Variants in TRIM9 observed in about 807,000 individuals in gnomAD.
TRIM9 encodes the protein tripartite motif containing 9, also known as E3 ubiquitin-protein ligase TRIM9.
A neutral mutation model predicts 78.3 loss-of-function variants in TRIM9; 26 were observed. The observed-to-expected ratio is 0.33, with a 90% confidence interval of 0.24 to 0.46. The LOEUF is 0.46. Ranked by LOEUF, TRIM9 falls within the 20% of genes least tolerant of loss-of-function variation. TRIM9 has a pLI of 1.00. For missense variants in TRIM9, 787 were observed against 1,036.4 expected, an observed-to-expected ratio of 0.76 and a Z score of 3.30; for synonymous variants, 398 against 416.5, an observed-to-expected ratio of 0.96 and a Z score of 0.54.
chr14:51,028,534 G>A (rs531241415), intron 1 of TRIM9, among the ~76,000 whole-genome samples: 1 of 152,334 alleles, frequency 6.6e-6, no homozygotes, highest in Non-Finnish European at 1.5e-5. Flanking sequence ...GGACCACAGA[G>A]CAGTGCTGGA....
chr14:51,027,358 G>C (rs1188166937), intron 1 of TRIM9, among the ~76,000 whole-genome samples: 1 of 151,956 alleles, frequency 6.6e-6, no homozygotes, highest in Non-Finnish European at 1.5e-5. Context: ...TGGCCAGGCT[G>C]GTCTCAAACT....
chr14:50,986,604 A>C (rs769031009), intron 7 of TRIM9, among the ~76,000 whole-genome samples: 1 of 152,164 alleles, frequency 6.6e-6, no homozygotes, highest in African/African-American at 2.4e-5. Flanking sequence ...TTCCTATTCC[A>C]TATTTTCCCA....
At chr14:51,053,618 C>CT (rs1372177441) in intron 1 of TRIM9, among the ~76,000 whole-genome samples, 1 of 50,314 alleles carries the variant, frequency 2.0e-5, no homozygotes, top group Non-Finnish European at 4.0e-5. Flanking sequence ...TTATTATACT[C>CT]TAAGTTTTAG....
intron 1 of TRIM9, among the ~76,000 whole-genome samples, chr14:51,035,112 C>A (rs555119823): frequency 2.1e-4 from 32 of 152,260 alleles, no homozygotes; most frequent in East Asian, 1.5e-3. Flanking sequence ...TAGAGACATG[C>A]ATTATCTCCA....
At chr14:51,011,074 G>A (rs2056513248) in intron 3 of TRIM9, among the ~76,000 whole-genome samples, 1 of 152,200 alleles carries the variant, frequency 6.6e-6, no homozygotes, top group Admixed American at 6.5e-5. Context: ...GAGAGGTAAT[G>A]AGCTAATGAA....
intron 1 of TRIM9, among the ~76,000 whole-genome samples, chr14:51,053,172 A>G (rs79440789): frequency 0.11 from 16,666 of 151,544 alleles, 1,199 homozygotes; most frequent in Middle Eastern, 0.19. Context: ...AAAAAAAAAA[A>G]AGAGAAGAAA....
chr14:51,019,152 CA>C (rs1338775487), intron 3 of TRIM9, among the ~76,000 whole-genome samples: 1 of 152,208 alleles, frequency 6.6e-6, no homozygotes, highest in Non-Finnish European at 1.5e-5. Flanking sequence ...TCAGCTAAAG[CA>C]GACCTGGGAA....
intron 7 of TRIM9, among the ~76,000 whole-genome samples, chr14:50,987,356 C>T (rs1242086984): frequency 1.3e-5 from 2 of 152,148 alleles, no homozygotes; most frequent in Non-Finnish European, 2.9e-5. Context: ...GAGCTCTGAA[C>T]AAGGGCATTG....
intron 7 of TRIM9, chr14:50,997,122 T>A (rs777640244): frequency 1.0e-6 from 1 of 985,396 alleles, no homozygotes; most frequent in Non-Finnish European, 1.2e-6. Context: ...ATTTCTTTGA[T>A]TAAAATGACA....
chr14:51,068,234 G>A (rs554918603), intron 1 of TRIM9, among the ~76,000 whole-genome samples: 51 of 152,242 alleles, frequency 3.3e-4, no homozygotes, highest in African/African-American at 1.1e-3. Flanking sequence ...TGCCAGGACC[G>A]TGGGGATGAA....
chr14:51,079,529 T>C (rs963156425), intron 1 of TRIM9, among the ~76,000 whole-genome samples: 3 of 152,246 alleles, frequency 2.0e-5, no homozygotes, highest in Non-Finnish European at 4.4e-5. Context: ...GAGTGCATTT[T>C]TTATGTAGCC....
intron 1 of TRIM9, 75 bp from the exon 2 acceptor site, chr14:51,025,435 G>A (rs1224082500): frequency 1.6e-5 from 5 of 316,874 alleles, no homozygotes; most frequent in African/African-American, 4.0e-5. Flanking sequence ...ACTCAAAACT[G>A]AAGAGTCATC....
At chr14:50,997,015 C>A in intron 7 of TRIM9, 1 of 985,360 alleles carries the variant, frequency 1.0e-6, no homozygotes, top group Non-Finnish European at 1.2e-6. Context: ...AAAACACCAC[C>A]ATAGTTCTTT....
chr14:51,077,609 G>A (rs577556779), intron 1 of TRIM9, among the ~76,000 whole-genome samples: 10 of 152,118 alleles, frequency 6.6e-5, no homozygotes, highest in African/African-American at 2.4e-4. Flanking sequence ...GACCAGGCTT[G>A]TCTCAATCTC....
intron 1 of TRIM9, among the ~76,000 whole-genome samples, chr14:51,049,381 G>A (rs1405167497): frequency 6.6e-6 from 1 of 152,196 alleles, no homozygotes; most frequent in Admixed American, 6.5e-5. Context: ...GCGTGCAGTG[G>A]AGTCTTGCCT....
chr14:51,061,562 T>A (rs2061354310), intron 1 of TRIM9, among the ~76,000 whole-genome samples: 2 of 152,208 alleles, frequency 1.3e-5, no homozygotes, highest in African/African-American at 4.8e-5. Context: ...GGTTAGCACT[T>A]TTTGTGTCCT....
intron 1 of TRIM9, among the ~76,000 whole-genome samples, chr14:51,046,145 G>A (rs2059932164): frequency 6.8e-6 from 1 of 147,050 alleles, no homozygotes; most frequent in Non-Finnish European, 1.5e-5. Context: ...AGGGATTAGG[G>A]ATGGGGACAG....
intron 5 of TRIM9, among the ~76,000 whole-genome samples, chr14:51,004,794 G>A (rs1355931385): frequency 6.6e-6 from 1 of 152,196 alleles, no homozygotes; most frequent in Admixed American, 6.5e-5. Flanking sequence ...TGTGTGCTTA[G>A]CATTGCATCA....
intron 1 of TRIM9, among the ~76,000 whole-genome samples, chr14:51,067,579 T>C (rs1369631181): frequency 2.0e-5 from 3 of 152,202 alleles, no homozygotes; most frequent in African/African-American, 4.8e-5. Context: ...ACCTCCCACT[T>C]TGCTGTAGCC....
Sources: allele counts gnomAD v4.1 joint callset (sites outside exome capture counted in the v4.1 genomes callset), GRCh38; gene constraint gnomAD v4.1.1; transcripts MANE v1.5; gene names NCBI Gene and HGNC (gene_info 2026-07-23, HGNC 2026-07-21).